Variants in ANKRD12 observed in about 807,000 individuals in gnomAD.
ANKRD12 encodes the protein ankyrin repeat domain 12, also known as ankyrin repeat domain-containing protein 12.
Under a neutral mutation model 183.4 loss-of-function variants are expected in ANKRD12, and 85 were observed. That is an observed-to-expected ratio of 0.46 (90% CI 0.39 to 0.56). The LOEUF (loss-of-function observed/expected upper bound fraction) is 0.56, where lower values mean the gene tolerates loss of function less well. Ranked by LOEUF, ANKRD12 falls within the 20% of genes least tolerant of loss-of-function variation. The pLI, the probability that ANKRD12 is intolerant of heterozygous loss-of-function variation, is 0.00. For missense variants in ANKRD12, 2,405 were observed against 2,357.1 expected (o/e 1.02, Z -0.42); for synonymous variants, 914 against 800.2 (o/e 1.14, Z -2.40).
At position 9,270,630 on chromosome 18, in the gene ANKRD12, C is replaced by T. The variant is rs563570120; in HGVS notation, c.5764-4894C>T. ...GGGCCTGTTGTGGGGTGGAGGGAGG[C>T]GGGGAGGGATAGCATTAGGAGAGAT... On this transcript the variant is annotated intron_variant, in intron 10 of 12. Transcript: ENST00000262126. Among the ~76,000 whole-genome samples, 14 of 151,936 alleles carry T rather than the reference C, an allele frequency of 9.2e-5. No homozygotes were observed. The South Asian group carries it at 1.7e-3, about 18-fold the overall frequency.
chr18:9,231,007 C>G (rs1368494560), intron 8 of ANKRD12, among the ~76,000 whole-genome samples: 4 of 151,894 alleles, frequency 2.6e-5, no homozygotes, highest in Admixed American at 2.6e-4. Flanking sequence ...TTATTTCCAT[C>G]TAATTTCTTC....
chr18:9,181,799 G>T (rs1292210488), intron 1 of ANKRD12, among the ~76,000 whole-genome samples: 1 of 152,074 alleles, frequency 6.6e-6, no homozygotes, highest in Non-Finnish European at 1.5e-5. Context: ...TTGTAGAATA[G>T]GAAAGAGAAG....
intron 8 of ANKRD12, among the ~76,000 whole-genome samples, chr18:9,224,059 A>G (rs914101602): frequency 4.6e-5 from 7 of 152,236 alleles, no homozygotes; most frequent in African/African-American, 1.2e-4. Flanking sequence ...TTTCTAGACA[A>G]TATAGCAGAA....
At chr18:9,219,500 A>G (rs768903646) in intron 7 of ANKRD12, among the ~76,000 whole-genome samples, 10 of 152,204 alleles carry the variant, frequency 6.6e-5, no homozygotes, top group Non-Finnish European at 1.3e-4. Context: ...TTACTGATGT[A>G]GAACAGGGTT....
At chr18:9,170,608 T>C (rs911445498) in intron 1 of ANKRD12, among the ~76,000 whole-genome samples, 2 of 152,178 alleles carry the variant, frequency 1.3e-5, no homozygotes, top group Non-Finnish European at 2.9e-5. Flanking sequence ...TATCCATTCG[T>C]CAATTTTTTT....
chr18:9,210,760 CTTTT>C (rs527425965), intron 5 of ANKRD12, among the ~76,000 whole-genome samples: 3 of 102,504 alleles, frequency 2.9e-5, no homozygotes, highest in African/African-American at 1.0e-4. Flanking sequence ...GAACCTTACA[CTTTT>C]TTTTTTTATT....
chr18:9,195,311 A>G (rs147987562), intron 2 of ANKRD12, among the ~76,000 whole-genome samples: 48 of 152,298 alleles, frequency 3.2e-4, no homozygotes, highest in Non-Finnish European at 6.2e-4. Flanking sequence ...ACAAACCTGC[A>G]CAGGTACCCC....
chr18:9,204,393 C>A, intron 3 of ANKRD12, 83 bp from the exon 4 acceptor site: 1 of 981,576 alleles, frequency 1.0e-6, no homozygotes, highest in Non-Finnish European at 1.6e-6. Flanking sequence ...AACTGGTGGT[C>A]TTTTGAAAAA....
intron 1 of ANKRD12, among the ~76,000 whole-genome samples, chr18:9,140,141 C>G (rs1226533959): frequency 6.6e-6 from 1 of 152,280 alleles, no homozygotes; most frequent in East Asian, 1.9e-4. Flanking sequence ...GTCTTCTTAA[C>G]CTGCAAAAGT....
At chr18:9,272,448 G>A (rs746716523) in intron 10 of ANKRD12, among the ~76,000 whole-genome samples, 1 of 152,004 alleles carries the variant, frequency 6.6e-6, no homozygotes, top group Admixed American at 6.6e-5. Flanking sequence ...TGTAATCCCA[G>A]CTACTCTGGA....
At chr18:9,184,540 A>C (rs1208910398) in intron 2 of ANKRD12, among the ~76,000 whole-genome samples, 1 of 152,034 alleles carries the variant, frequency 6.6e-6, no homozygotes, top group Non-Finnish European at 1.5e-5. Context: ...CCGCAGGTGC[A>C]CACCACTATG....
chr18:9,171,154 G>C (rs1368373481), intron 1 of ANKRD12, among the ~76,000 whole-genome samples: 1 of 152,146 alleles, frequency 6.6e-6, no homozygotes, highest in Non-Finnish European at 1.5e-5. Context: ...GGGGGTCAAG[G>C]ACCCACTTGA....
In ANKRD12 at chr18:9,226,763, A is replaced by G. The variant is rs186535485; in HGVS notation, c.943+4764A>G. ...CCTCCAGATGTGATACCTAAAAGGGATATAACATCACTTTTTTAGTATTAC... is the reference window on the plus strand; with the variant it reads ...CCTCCAGATGTGATACCTAAAAGGGGTATAACATCACTTTTTTAGTATTAC... On this transcript the variant is annotated intron_variant, in intron 8 of 12. Coordinates refer to ENST00000262126, the MANE Select transcript of ANKRD12 (RefSeq NM_015208.5). Among the ~76,000 whole-genome samples the G allele has an allele frequency of 3.0e-3, 459 of 152,314 alleles. 1 individual carries two copies. The highest frequency in any genetic ancestry group is 4.1e-3 in the Non-Finnish European group (276 of 68,028).
At chr18:9,280,194 A>G (rs1290768022) in intron 12 of ANKRD12, among the ~76,000 whole-genome samples, 1 of 152,158 alleles carries the variant, frequency 6.6e-6, no homozygotes, top group African/African-American at 2.4e-5. Flanking sequence ...TTCACCTCAG[A>G]TCATCAGACA....
intron 3 of ANKRD12, among the ~76,000 whole-genome samples, chr18:9,203,443 A>G (rs763243749): frequency 8.6e-4 from 131 of 152,176 alleles, no homozygotes; most frequent in Non-Finnish European, 5.1e-4. Flanking sequence ...GAACACAATA[A>G]TATTGTGAGT....
At chr18:9,223,285 G>T (rs2036524931) in intron 8 of ANKRD12, among the ~76,000 whole-genome samples, 1 of 150,468 alleles carries the variant, frequency 6.6e-6, no homozygotes, top group African/African-American at 2.4e-5. Context: ...GTGGAGTCTC[G>T]CTCTGTCGCC....
intron 1 of ANKRD12, among the ~76,000 whole-genome samples, chr18:9,157,693 C>A (rs2030818551): frequency 1.3e-5 from 2 of 149,792 alleles, no homozygotes; most frequent in Admixed American, 1.3e-4. Flanking sequence ...ACCTCTGCCT[C>A]CCTGGTTCAA....
At chr18:9,157,585 G>GTGTGTGTGTGTGTATATATA (rs1472659778) in intron 1 of ANKRD12, among the ~76,000 whole-genome samples, 2 of 92,678 alleles carry the variant, frequency 2.2e-5, no homozygotes, top group African/African-American at 1.1e-4. Flanking sequence ...GTGTGTGTGT[G>GTGTGTGTGTGTGTATATATA]TATATATATA....
At chr18:9,137,478 A>T (rs1404948560) in intron 1 of ANKRD12, 1 of 144,902 alleles carries the variant, frequency 6.9e-6, no homozygotes, top group African/African-American at 2.5e-5. Context: ...CGGCGGTCGG[A>T]CCCGCGGGGG....
Sources: gnomAD v4.1 joint callset for allele counts (sites outside exome capture counted in the v4.1 genomes callset) on GRCh38, gnomAD v4.1.1 for gene constraint, MANE v1.5 for transcripts, NCBI Gene and HGNC (gene_info 2026-07-23, HGNC 2026-07-21) for gene names.